Variants in ZWILCH observed in about 807,000 individuals in gnomAD.
ZWILCH encodes zwilch kinetochore protein.
ZWILCH carries 74 observed loss-of-function variants against 79.9 expected under a neutral mutation model. That is an observed-to-expected ratio of 0.93 (90% CI 0.77 to 1.12). The LOEUF (loss-of-function observed/expected upper bound fraction) is 1.12, where lower values mean the gene tolerates loss of function less well. Among genes scored for constraint, ZWILCH ranks in the 50% most tolerant of loss-of-function variants. The probability of loss-of-function intolerance (pLI) is 0.00; values close to 1 mark genes in which losing one functional copy is unlikely to be tolerated. For synonymous variants in ZWILCH, 241 were observed against 228.2 expected (o/e 1.06, Z -0.51); for missense variants, 694 against 687.5 (o/e 1.01, Z -0.11).
Position 66,532,371 on chromosome 15 carries a change from A to G in ZWILCH, c.1280A>G (p.Lys427Arg). 1 of 1,609,168 alleles carries G rather than the reference A, an allele frequency of 6.2e-7. No individual in the cohort carries two copies. Among genetic ancestry groups the G allele is most frequent in the Non-Finnish European group, 8.5e-7 (1 of 1,178,464 alleles). The change falls in exon 13 of 19, where the codon AAA becomes AGA. Residue 427 changes from lysine to arginine, a missense_variant. By Grantham distance (26) the Lys-to-Arg change is conservative. Coordinates refer to ENST00000307897, the MANE Select transcript of ZWILCH (RefSeq NM_017975.5). ...ATGCTTTTGGAAATTGGTTTGGACAAACTAAAGAAAGATTATATCAGTTTT... is the reference window on the plus strand; with the variant it reads ...ATGCTTTTGGAAATTGGTTTGGACAGACTAAAGAAAGATTATATCAGTTTT... Reference protein sequence around the residue: ...VQMLLEIGLDKLKKDYISFFI... With the variant: ...VQMLLEIGLDRLKKDYISFFI...
At chr15:66,544,760 T>TGTGTGTGTGTGTGTGTGTGTGTGTG (rs1895315534) in intron 17 of ZWILCH, among the ~76,000 whole-genome samples, 1 of 45,268 alleles carries the variant, frequency 2.2e-5, no homozygotes, top group Non-Finnish European at 4.1e-5. Context: ...GTGTGTGTGT[T>TGTGTGTGTGTGTGTGTGTGTGTGTG]TGAGATGGAG....
chr15:66,544,880 A>G (rs1895320761), intron 17 of ZWILCH, among the ~76,000 whole-genome samples: 1 of 151,458 alleles, frequency 6.6e-6, no homozygotes, highest in Non-Finnish European at 1.5e-5. Context: ...ACTAGCTGGG[A>G]TTACAGGCGC....
chr15:66,540,870 A>G (rs1207471682), intron 17 of ZWILCH, among the ~76,000 whole-genome samples: 1 of 151,234 alleles, frequency 6.6e-6, no homozygotes, highest in Non-Finnish European at 1.5e-5. Flanking sequence ...CTCATGATCC[A>G]CCTGCCTCAG....
At chr15:66,509,842 T>C (rs1487401529) in intron 2 of ZWILCH, among the ~76,000 whole-genome samples, 2 of 77,948 alleles carry the variant, frequency 2.6e-5, no homozygotes, top group African/African-American at 9.2e-5. Context: ...TATATATATA[T>C]ATATATATAT....
At position 66,545,022 on chromosome 15, in the gene ZWILCH, G is replaced by A. The variant is rs542525785; in HGVS notation, c.1688-1569G>A. Reference sequence around the variant, plus strand: ...CTCCCAAAGTGCTGGGATTACAGGCGTGAGCCACTGTGCCCAGCTGAAAAA... The same window carrying A: ...CTCCCAAAGTGCTGGGATTACAGGCATGAGCCACTGTGCCCAGCTGAAAAA... On this transcript the variant is annotated intron_variant, in intron 17 of 18. Transcript: ENST00000307897. Among the ~76,000 whole-genome samples the A allele has an allele frequency of 3.0e-3, 450 of 151,924 alleles. 1 individual carries two copies. The highest frequency in any genetic ancestry group is 0.01 in the African/African-American group (418 of 41,482).
chr15:66,532,254 G>C lies in ZWILCH; in HGVS notation c.1163G>C (p.Ser388Thr), dbSNP rs753652498. 1 of 1,582,892 alleles carries C rather than the reference G, an allele frequency of 6.3e-7. No individual in the cohort carries two copies. The highest frequency in any genetic ancestry group is 8.6e-7 in the Non-Finnish European group (1 of 1,169,358). The change falls in exon 13 of 19, where the codon AGT becomes ACT. Residue 388 changes from serine to threonine, a missense_variant. Physicochemically the swap from Ser to Thr is moderately conservative, Grantham distance 58 (BLOSUM62 1). Coordinates refer to ENST00000307897, the MANE Select transcript of ZWILCH (RefSeq NM_017975.5). ...QRGDIQPWLH[S>T]GSNSLLSKLI... ...AATTTTCCTGATTTCTAGCTCCATA[G>C]TGGAAGTAACAGTTTACTAAGTAAG...
At position 66,527,881 on chromosome 15, in the gene ZWILCH, G is replaced by T; in HGVS notation, c.938G>T (p.Gly313Val). 1 of 1,600,078 alleles carries T rather than the reference G, an allele frequency of 6.2e-7. No individual in the cohort carries two copies. Among genetic ancestry groups the T allele is most frequent in the Non-Finnish European group, 8.5e-7 (1 of 1,176,494 alleles). Reference sequence around the variant, plus strand: ...GACTTAAATAAGCTGGATGGATTTGGTGATTCTACAAAAAAAGACACTGAG... The same window carrying T: ...GACTTAAATAAGCTGGATGGATTTGTTGATTCTACAAAAAAAGACACTGAG... The part of the protein sequence containing the change: ...LNDLNKLDGF[G>V]DSTKKDTEVE... Residue 313 changes from glycine (G) to valine (V), a missense_variant, in exon 10 of 19, where the codon GGT becomes GTT. Coordinates refer to ENST00000307897, the MANE Select transcript of ZWILCH (RefSeq NM_017975.5).
At chr15:66,509,761 G>GT (rs1893962855) in intron 2 of ZWILCH, among the ~76,000 whole-genome samples, 2 of 130,772 alleles carry the variant, frequency 1.5e-5, no homozygotes, top group South Asian at 4.6e-4. Flanking sequence ...CAAGCTGGGG[G>GT]TGGGGGGAAT....
intron 4 of ZWILCH, among the ~76,000 whole-genome samples, chr15:66,517,446 A>ATATATG (rs763893382): frequency 0.15 from 18,454 of 125,700 alleles, 2,210 homozygotes; most frequent in Middle Eastern, 0.26. Flanking sequence ...ATATATATAT[A>ATATATG]TATATATATA....
At position 66,515,171 on chromosome 15, in the gene ZWILCH, ACCT is replaced by A. The variant is rs1289729693; in HGVS notation, c.202-353_202-351del. On this transcript the variant is annotated intron_variant, in intron 3 of 18. Transcript: ENST00000307897. ...CCCTGTGTTGCCTTGGTTTGTCTCG[ACCT>A]CTTGGGCTTAAGTGATTCTCCTCCT... Among the ~76,000 whole-genome samples the A allele has an allele frequency of 2.7e-4, 41 of 150,056 alleles. 1 individual carries two copies. In the East Asian group the frequency reaches 7.5e-3, roughly 27 times the overall value.
intron 15 of ZWILCH, 53 bp from the exon 16 acceptor site, chr15:66,537,115 C>T (rs558470722): frequency 3.0e-5 from 43 of 1,432,216 alleles, no homozygotes; most frequent in Middle Eastern, 2.2e-4. Context: ...ACCAGAAAAA[C>T]GTTATGTCAA....
Position 66,518,944 on chromosome 15 carries a change from C to T in ZWILCH, c.386C>T (p.Pro129Leu). The stretch of plus-strand genomic sequence containing the variant: ...ATGACCCATTTGAAGATTAATCTGC[C>T]AGTTACTGCCCTTCCTCCCCTTTGG... ...PNMTHLKINLPVTALPPLWVR... is the reference protein window; with the variant it reads ...PNMTHLKINLLVTALPPLWVR... The change falls in exon 5 of 19, where the codon CCA becomes CTA. Residue 129 changes from proline to leucine, a missense_variant. Physicochemically the swap from Pro to Leu is moderately conservative, Grantham distance 98 (BLOSUM62 -3). Transcript: ENST00000307897. 1 of 1,614,186 alleles carries T rather than the reference C, an allele frequency of 6.2e-7. No individual in the cohort carries two copies.
At chr15:66,509,195 C>T (rs2140733926) in intron 2 of ZWILCH, among the ~76,000 whole-genome samples, 1 of 152,296 alleles carries the variant, frequency 6.6e-6, no homozygotes, top group South Asian at 2.1e-4. Context: ...CCGCCTCGGC[C>T]TCCCAAAGTG....
intron 17 of ZWILCH, among the ~76,000 whole-genome samples, chr15:66,544,660 G>A (rs1231923420): frequency 1.3e-5 from 2 of 151,132 alleles, no homozygotes; most frequent in Non-Finnish European, 2.9e-5. Context: ...CAATTTTAAA[G>A]ACATAAATAT....
chr15:66,544,126 G>A (rs769192768), intron 17 of ZWILCH, among the ~76,000 whole-genome samples: 3 of 151,734 alleles, frequency 2.0e-5, no homozygotes, highest in Admixed American at 6.6e-5. Context: ...GCATGGTGGC[G>A]CATGCCTGTA....
At chr15:66,529,316 T>C (rs1894787769) in intron 11 of ZWILCH, among the ~76,000 whole-genome samples, 178 bp from the exon 12 acceptor site, 3 of 151,922 alleles carry the variant, frequency 2.0e-5, no homozygotes. Context: ...ATTTGGTTTC[T>C]TTCTTTAGAA....
Position 66,544,724 on chromosome 15 carries a change from T to TTTGTGTGTGTGTGTG in ZWILCH, c.1688-1866_1688-1865insTGTGTGTGTGTGTGT, listed in dbSNP as rs145952622. Among the ~76,000 whole-genome samples the TTTGTGTGTGTGTGTG allele has an allele frequency of 6.7e-3, 861 of 128,514 alleles. 10 individuals are homozygous for TTTGTGTGTGTGTGTG. Among genetic ancestry groups the TTTGTGTGTGTGTGTG allele is most frequent in the African/African-American group, 0.025 (811 of 32,526 alleles). The allele number at this position is 128,514 out of a possible 152,430, so 84.3% of individuals were successfully genotyped here. The stretch of plus-strand genomic sequence containing the variant: ...TGTTTTTTTGTTGTTTTTTTGGTTT[T>TTTGTGTGTGTGTGTG]TGTGTGTGTGTGTGTGTGTGTGTGT... On this transcript the variant is annotated intron_variant, in intron 17 of 18. Coordinates refer to ENST00000307897, the MANE Select transcript of ZWILCH (RefSeq NM_017975.5).
At chr15:66,535,042 CT>C (rs1008832190) in intron 14 of ZWILCH, among the ~76,000 whole-genome samples, 39 of 148,660 alleles carry the variant, frequency 2.6e-4, no homozygotes, top group Middle Eastern at 3.5e-3. Context: ...CTATTTTTAA[CT>C]TTTTTTTTTG....
rs760477288 is a variant in ZWILCH at position 66,532,243 on chromosome 15, C to T, written c.1156-4C>T. 5 of 1,565,516 alleles carry T rather than the reference C, an allele frequency of 3.2e-6. No homozygotes were observed. The Admixed American group carries it at 1.0e-4, about 33-fold the overall frequency. On this transcript the variant is annotated splice_region_variant and splice_polypyrimidine_tract_variant and intron_variant, in intron 12 of 18. Coordinates refer to ENST00000307897, the MANE Select transcript of ZWILCH (RefSeq NM_017975.5). ...TGGTTTTATAAAATTTTCCTGATTT[C>T]TAGCTCCATAGTGGAAGTAACAGTT...
Sources: gnomAD v4.1 joint callset for allele counts (sites outside exome capture counted in the v4.1 genomes callset) on GRCh38, gnomAD v4.1.1 for gene constraint, MANE v1.5 for transcripts, NCBI Gene and HGNC (gene_info 2026-07-23, HGNC 2026-07-21) for gene names.